The following NRG3 variants were observed in gnomAD, a reference collection of about 807,000 sequenced individuals.
NRG3 encodes the protein neuregulin 3.
In NRG3, 31 loss-of-function variants were observed where a neutral mutation model predicts 66.9. That is an observed-to-expected ratio of 0.46 (90% CI 0.35 to 0.63). The LOEUF (loss-of-function observed/expected upper bound fraction) is 0.63. NRG3 is among the 20% of genes least tolerant of loss of function. NRG3 has a pLI of 0.00. For synonymous variants in NRG3, 393 were observed against 359.4 expected, an observed-to-expected ratio of 1.09 and a Z score of -1.06; for missense variants, 910 against 878.9, an observed-to-expected ratio of 1.04 and a Z score of -0.45.
At position 81,875,508 on chromosome 10, in the gene NRG3, C is replaced by A. The variant is rs1278913610; in HGVS notation, c.168C>A (p.Asp56Glu). The A allele has an allele frequency of 5.0e-6, 8 of 1,607,222 alleles. No individual in the cohort carries two copies. The highest frequency in any genetic ancestry group is 1.1e-5 in the South Asian group (1 of 90,734). Reference protein sequence around the residue: ...AEPPRELRCSDCIVWNRQQTW... With the variant: ...AEPPRELRCSECIVWNRQQTW... ...CCCCCCGGGAGTTACGCTGTAGCGA[C>A]TGCATCGTGTGGAACCGGCAGCAGA... Residue 56 changes from aspartate (D) to glutamate (E), a missense_variant, in exon 1 of 9, where the codon GAC (aspartate) becomes GAA (glutamate). Asp to Glu is a conservative substitution (Grantham distance 45). Transcript: ENST00000372141. This position sits in a 1 kb window ranked among gnomAD's most constrained non-coding sequence, Gnocchi z 5.3.
chr10:82,095,223 A>G lies in NRG3; in HGVS notation c.823+219060A>G, dbSNP rs555295466. Among the ~76,000 whole-genome samples, 27 of 152,206 alleles carry G rather than the reference A, an allele frequency of 1.8e-4. No individual in the cohort carries two copies. The South Asian group carries it at 5.4e-3, about 30-fold the overall frequency. ...TGAGGTTTTTAATAGAAAAATGCGAACTAACCTAGCAGCCCTGGACTTCAT... is the reference window on the plus strand; with the variant it reads ...TGAGGTTTTTAATAGAAAAATGCGAGCTAACCTAGCAGCCCTGGACTTCAT... On this transcript the variant is annotated intron_variant, in intron 1 of 8. Transcript: ENST00000372141.
chr10:82,473,217 A>G (rs780390979), intron 2 of NRG3, among the ~76,000 whole-genome samples: 1 of 152,194 alleles, frequency 6.6e-6, no homozygotes, highest in Non-Finnish European at 1.5e-5. Context: ...TGGAGTGCCT[A>G]TTCAGAACCA....
intron 2 of NRG3, among the ~76,000 whole-genome samples, chr10:82,471,867 C>G (rs1841298937): frequency 6.7e-6 from 1 of 149,094 alleles, no homozygotes; most frequent in Non-Finnish European, 1.5e-5. Context: ...CCAGCCTGGG[C>G]TACAAGAGCA....
intron 2 of NRG3, among the ~76,000 whole-genome samples, chr10:82,393,936 T>C (rs1020227999): frequency 1.3e-5 from 2 of 152,214 alleles, no homozygotes; most frequent in Non-Finnish European, 2.9e-5. Context: ...CAGAGATTCT[T>C]CCATGTGCCT....
chr10:82,656,424 A>G (rs1158159390), intron 2 of NRG3, among the ~76,000 whole-genome samples: 1 of 151,640 alleles, frequency 6.6e-6, no homozygotes, highest in Non-Finnish European at 1.5e-5. Flanking sequence ...TAAACCAATT[A>G]CATAGGTGTC....
At chr10:81,932,365 C>CA (rs1847455599) in intron 1 of NRG3, among the ~76,000 whole-genome samples, 1 of 152,144 alleles carries the variant, frequency 6.6e-6, no homozygotes, top group African/African-American at 2.4e-5. Flanking sequence ...CACACACCTC[C>CA]ACCAGGTTCT....
intron 1 of NRG3, among the ~76,000 whole-genome samples, chr10:82,290,150 G>C (rs1391807318): frequency 1.3e-5 from 2 of 152,172 alleles, no homozygotes; most frequent in Admixed American, 1.3e-4. Flanking sequence ...GGGCTTTGGA[G>C]TTGCAATCAG....
intron 2 of NRG3, among the ~76,000 whole-genome samples, chr10:82,468,232 A>C (rs1228109328): frequency 6.6e-6 from 1 of 152,200 alleles, no homozygotes; most frequent in Non-Finnish European, 1.5e-5. Context: ...ATCACGCTGG[A>C]TTCCCCAAGA....
chr10:82,876,026 C>T (rs1841789277), intron 4 of NRG3, among the ~76,000 whole-genome samples: 1 of 152,172 alleles, frequency 6.6e-6, no homozygotes, highest in Non-Finnish European at 1.5e-5. Flanking sequence ...ATCTATTAAT[C>T]ATGATTTCTA....
chr10:82,914,283 GTT>G (rs1027023284), intron 4 of NRG3, among the ~76,000 whole-genome samples: 2 of 151,896 alleles, frequency 1.3e-5, no homozygotes, highest in Non-Finnish European at 2.9e-5. Context: ...CTGTATCTGA[GTT>G]TGATTTTGAT....
chr10:81,969,064 G>A lies in NRG3; in HGVS notation c.823+92901G>A, dbSNP rs554490847. Among the ~76,000 whole-genome samples the A allele has an allele frequency of 3.9e-5, 6 of 152,256 alleles. 1 individual carries two copies. Among genetic ancestry groups the A allele is most frequent in the Middle Eastern group, 3.4e-3 (1 of 294 alleles). On this transcript the variant is annotated intron_variant, in intron 1 of 8. Coordinates refer to ENST00000372141, the MANE Select transcript of NRG3 (RefSeq NM_001010848.4). Reference sequence around the variant, plus strand: ...TAAGGTATCTGACTGAAGCCATCTTGCCAGGTCTCCTGTCAACAGTGGAGC... The same window carrying A: ...TAAGGTATCTGACTGAAGCCATCTTACCAGGTCTCCTGTCAACAGTGGAGC...
chr10:82,608,890 C>T (rs1024882110), intron 2 of NRG3, among the ~76,000 whole-genome samples: 2 of 152,136 alleles, frequency 1.3e-5, no homozygotes, highest in African/African-American at 4.8e-5. Context: ...TGTATCACCC[C>T]TCCCCCTCAG....
intron 2 of NRG3, among the ~76,000 whole-genome samples, chr10:82,554,032 C>T (rs1428227992): frequency 6.6e-6 from 1 of 152,096 alleles, no homozygotes; most frequent in Non-Finnish European, 1.5e-5. Flanking sequence ...TATGTTAGTA[C>T]ATTATTACAC....
intron 4 of NRG3, among the ~76,000 whole-genome samples, chr10:82,939,836 G>C (rs1233430757): frequency 6.6e-6 from 1 of 151,508 alleles, no homozygotes; most frequent in African/African-American, 2.4e-5. Flanking sequence ...AATCCCTAGG[G>C]TAAATGTAAC....
intron 1 of NRG3, among the ~76,000 whole-genome samples, chr10:82,067,031 T>C (rs2064516564): frequency 6.6e-6 from 1 of 152,168 alleles, no homozygotes; most frequent in South Asian, 2.1e-4. Flanking sequence ...GTTAAGAGGC[T>C]TTATAGAATA....
intron 1 of NRG3, among the ~76,000 whole-genome samples, chr10:82,113,556 A>G (rs1312964438): frequency 6.6e-6 from 1 of 152,182 alleles, no homozygotes; most frequent in East Asian, 1.9e-4. Context: ...GGAAATGACA[A>G]CAATTGCAAG....
chr10:81,936,419 G>A (rs1847875174), intron 1 of NRG3, among the ~76,000 whole-genome samples: 1 of 152,098 alleles, frequency 6.6e-6, no homozygotes. Context: ...AGGAGTCTCT[G>A]TAGGTTACTA....
At chr10:82,896,624 C>A (rs1843687220) in intron 4 of NRG3, among the ~76,000 whole-genome samples, 1 of 152,016 alleles carries the variant, frequency 6.6e-6, no homozygotes, top group Admixed American at 6.6e-5. Flanking sequence ...AAGTGAAAAC[C>A]TTTGCTTTTT....
intron 2 of NRG3, among the ~76,000 whole-genome samples, chr10:82,728,943 T>C (rs1407157309): frequency 6.6e-6 from 1 of 152,100 alleles, no homozygotes; most frequent in Non-Finnish European, 1.5e-5. Flanking sequence ...ACCTAAATTA[T>C]TGGATGTATT....
Sources: gnomAD v4.1 joint callset for allele counts (sites outside exome capture counted in the v4.1 genomes callset) on GRCh38, gnomAD v4.1.1 for gene constraint, Gnocchi (gnomAD v3.1) non-coding constraint, MANE v1.5 for transcripts, NCBI Gene and HGNC (gene_info 2026-07-23, HGNC 2026-07-21) for gene names.